The following FOXP1 variants were observed in gnomAD, a reference collection of about 807,000 sequenced individuals.
FOXP1 encodes forkhead box protein P1.
Under a neutral mutation model 98.2 loss-of-function variants are expected in FOXP1, and 15 were observed. The ratio of observed to expected loss-of-function variants is 0.15; its 90% CI spans 0.10 to 0.24. The LOEUF (loss-of-function observed/expected upper bound fraction) is 0.24. Ranked by LOEUF, FOXP1 falls within the 10% of genes least tolerant of loss-of-function variation. The pLI is 1.00. For missense variants in FOXP1, 633 were observed against 848.5 expected (o/e 0.75, Z 3.15); for synonymous variants, 371 against 314.5 (o/e 1.18, Z -1.90).
chr3:71,417,072 T>C (rs2083276458), intron 3 of FOXP1, among the ~76,000 whole-genome samples: 1 of 152,158 alleles, frequency 6.6e-6, no homozygotes, highest in Admixed American at 6.5e-5. Flanking sequence ...ATTCCTGGTA[T>C]ATGCAAAAAA....
intron 5 of FOXP1, among the ~76,000 whole-genome samples, chr3:71,202,418 A>G (rs908238470): frequency 6.6e-6 from 1 of 152,228 alleles, no homozygotes; most frequent in African/African-American, 2.4e-5. Context: ...AACATTTCTA[A>G]CAGTGTCTGG....
At chr3:71,307,450 A>G (rs1001504866) in intron 4 of FOXP1, among the ~76,000 whole-genome samples, 2 of 152,244 alleles carry the variant, frequency 1.3e-5, no homozygotes, top group Non-Finnish European at 2.9e-5. Flanking sequence ...AACATGGAGA[A>G]AAGGCAAACA....
intron 6 of FOXP1, among the ~76,000 whole-genome samples, chr3:71,179,876 G>T (rs6783607): frequency 6.6e-6 from 1 of 152,086 alleles, no homozygotes; most frequent in Non-Finnish European, 1.5e-5. Flanking sequence ...TAATTGTGCC[G>T]TTGAAAATTC....
intron 7 of FOXP1, among the ~76,000 whole-genome samples, chr3:71,104,415 C>T (rs2057255407): frequency 6.6e-6 from 1 of 152,142 alleles, no homozygotes; most frequent in African/African-American, 2.4e-5. Flanking sequence ...GCTGTTGCTG[C>T]TGCTTTTATT....
intron 4 of FOXP1, among the ~76,000 whole-genome samples, chr3:71,326,158 G>A (rs769052037): frequency 6.6e-6 from 1 of 152,252 alleles, no homozygotes; most frequent in African/African-American, 2.4e-5. Context: ...AGCAGGAAGA[G>A]GCCAAGCATA....
At chr3:71,414,005 T>C (rs1012314498) in intron 3 of FOXP1, among the ~76,000 whole-genome samples, 11 of 151,700 alleles carry the variant, frequency 7.3e-5, no homozygotes, top group African/African-American at 2.4e-4. Flanking sequence ...AAGGAAAGAT[T>C]CAAAGCCATC....
intron 3 of FOXP1, among the ~76,000 whole-genome samples, chr3:71,477,055 T>C (rs2089911314): frequency 6.6e-6 from 1 of 152,188 alleles, no homozygotes; most frequent in South Asian, 2.1e-4. Flanking sequence ...GGCCTTTATG[T>C]ATCACCAGAG....
chr3:71,505,852 A>G (rs1014991616), intron 2 of FOXP1, among the ~76,000 whole-genome samples: 4 of 152,100 alleles, frequency 2.6e-5, no homozygotes, highest in Non-Finnish European at 5.9e-5. Context: ...GTCACCTGTC[A>G]CTAAAGTCTA....
intron 5 of FOXP1, among the ~76,000 whole-genome samples, chr3:71,199,132 G>A (rs563632162): frequency 1.4e-5 from 2 of 139,136 alleles, no homozygotes; most frequent in African/African-American, 5.5e-5. Flanking sequence ...TTTTGAGACA[G>A]AGCCTTGCTC....
intron 3 of FOXP1, among the ~76,000 whole-genome samples, chr3:71,470,537 C>T (rs2089236138): frequency 6.6e-6 from 1 of 152,078 alleles, no homozygotes; most frequent in African/African-American, 2.4e-5. Context: ...CTCAGGAGTT[C>T]AAGACCAGTC....
chr3:71,574,081 C>T (rs1284627976), intron 2 of FOXP1: 1 of 152,168 alleles, frequency 6.6e-6, no homozygotes, highest in Non-Finnish European at 1.5e-5. Flanking sequence ...TAGAGACACT[C>T]TACTTTTAAA....
chr3:71,373,297 C>G (rs1021456475), intron 3 of FOXP1, among the ~76,000 whole-genome samples: 2 of 149,372 alleles, frequency 1.3e-5, no homozygotes, highest in Non-Finnish European at 3.0e-5. Context: ...TAAGAGCATC[C>G]TATATGCTCC....
chr3:71,079,317 A>G (rs1454080345), intron 7 of FOXP1, among the ~76,000 whole-genome samples: 1 of 152,148 alleles, frequency 6.6e-6, no homozygotes, highest in Non-Finnish European at 1.5e-5. Flanking sequence ...TAATTGTCAC[A>G]TGAACTGCTG....
chr3:71,395,504 C>T (rs893638876), intron 3 of FOXP1, among the ~76,000 whole-genome samples: 1 of 151,804 alleles, frequency 6.6e-6, no homozygotes, highest in Non-Finnish European at 1.5e-5. Context: ...TCAAAAGTCA[C>T]CTCCTCTGAG....
At chr3:71,477,189 C>T (rs892323710) in intron 3 of FOXP1, among the ~76,000 whole-genome samples, 2 of 152,158 alleles carry the variant, frequency 1.3e-5, no homozygotes, top group Non-Finnish European at 2.9e-5. Context: ...CCACCAAAAG[C>T]AGCACACAAT....
At chr3:71,147,070 C>T (rs1183028253) in intron 6 of FOXP1, among the ~76,000 whole-genome samples, 1 of 152,222 alleles carries the variant, frequency 6.6e-6, no homozygotes, top group Non-Finnish European at 1.5e-5. Context: ...GGCGTTTCAG[C>T]CAGCATCTGT....
chr3:71,535,288 T>C (rs1028988892), intron 2 of FOXP1, among the ~76,000 whole-genome samples: 1 of 152,102 alleles, frequency 6.6e-6, no homozygotes, highest in African/African-American at 2.4e-5. Context: ...TCAGGTAAGA[T>C]GTTATTTCAC....
chr3:71,532,649 C>T (rs1268399524), intron 2 of FOXP1, among the ~76,000 whole-genome samples: 1 of 152,208 alleles, frequency 6.6e-6, no homozygotes, highest in African/African-American at 2.4e-5. Context: ...CCATGCCCAA[C>T]TGTGCAGACA....
At chr3:71,123,829 C>T (rs1254913995) in intron 6 of FOXP1, among the ~76,000 whole-genome samples, 2 of 152,022 alleles carry the variant, frequency 1.3e-5, no homozygotes, top group African/African-American at 4.8e-5. Flanking sequence ...TGCCCTGGTC[C>T]CTGGTCATTG....
Sources: gnomAD v4.1 joint callset for allele counts (sites outside exome capture counted in the v4.1 genomes callset) on GRCh38, gnomAD v4.1.1 for gene constraint, MANE v1.5 for transcripts, NCBI Gene and HGNC (gene_info 2026-07-23, HGNC 2026-07-21) for gene names.